The following MYLK4 variants were observed in gnomAD, a reference collection of about 807,000 sequenced individuals.
The protein encoded by MYLK4 is myosin light chain kinase family member 4, also known as caMLCK like.
A neutral mutation model predicts 48.1 loss-of-function variants in MYLK4; 46 were observed. The observed-to-expected ratio is 0.96, with a 90% CI of 0.75 to 1.22. MYLK4 has a LOEUF of 1.22. MYLK4 is among the 50% of genes most tolerant of loss of function. The pLI is 0.00. For missense variants in MYLK4, 451 were observed against 486.1 expected (o/e 0.93, Z 0.68); for synonymous variants, 170 against 180.8 (o/e 0.94, Z 0.48).
At chr6:2,676,365 T>A (rs9503247) in intron 10 of MYLK4, among the ~76,000 whole-genome samples, 46,289 of 151,980 alleles carry the variant, frequency 0.3, 7,646 homozygotes, top group Non-Finnish European at 0.37. Context: ...GTGACCTCCA[T>A]CAACCTCAGT....
At chr6:2,765,022 C>G in the MYLK4 span, among the ~76,000 whole-genome samples, 1 of 152,150 alleles carries the variant, frequency 6.6e-6, no homozygotes, top group Non-Finnish European at 1.5e-5. Context: ...CAGGCCCATT[C>G]AACAGCCCAG....
chr6:2,759,446 T>G, the MYLK4 span, among the ~76,000 whole-genome samples: 3 of 152,200 alleles, frequency 2.0e-5, no homozygotes, highest in Non-Finnish European at 4.4e-5. Context: ...TTGGTCTCTG[T>G]TTTTCATGAA....
chr6:2,743,088 G>A lies in MYLK4; in HGVS notation c.159+6048C>T, dbSNP rs534429920. On this transcript the variant is annotated intron_variant, in intron 2 of 12. Transcript: ENST00000274643. ...GCATCAACAGCTATGCAGTATACAT[G>A]TGGTATTAAAATTTAATGGGAGGAG... 1.5e-3 allele frequency among the ~76,000 whole-genome samples: 230 copies of A among 152,186 alleles called. 1 individual carries two copies. The highest frequency in any genetic ancestry group is 2.6e-3 in the Non-Finnish European group (176 of 68,008).
chr6:2,746,076 C>A (rs546254369), intron 2 of MYLK4, among the ~76,000 whole-genome samples: 2 of 150,768 alleles, frequency 1.3e-5, no homozygotes, highest in South Asian at 4.2e-4. Flanking sequence ...TGTGGTGAAA[C>A]CCCGTCTCTA....
the MYLK4 span, chr6:2,766,011 G>A: frequency 2.0e-5 from 27 of 1,343,988 alleles, no homozygotes; most frequent in East Asian, 8.4e-4. Context: ...CCGGTGGCCC[G>A]CTCCAGCAGC....
At chr6:2,768,595 T>A in the MYLK4 span, 1 of 1,071,328 alleles carries the variant, frequency 9.3e-7, no homozygotes, top group African/African-American at 1.6e-5. Context: ...AAGTTGCTTT[T>A]GGTAAATAGT....
intron 2 of MYLK4, among the ~76,000 whole-genome samples, chr6:2,741,805 T>G (rs1763908140): frequency 6.6e-6 from 1 of 152,262 alleles, no homozygotes; most frequent in Non-Finnish European, 1.5e-5. Context: ...ACAATACTCC[T>G]AATTAACTCA....
At chr6:2,721,700 A>T (rs1325218786) in intron 2 of MYLK4, among the ~76,000 whole-genome samples, 3 of 152,096 alleles carry the variant, frequency 2.0e-5, no homozygotes, top group African/African-American at 7.2e-5. Flanking sequence ...TTCAGTCTGA[A>T]CTTCCCTCCA....
the MYLK4 span, among the ~76,000 whole-genome samples, chr6:2,767,043 A>G: frequency 6.6e-6 from 1 of 152,224 alleles, no homozygotes; most frequent in Non-Finnish European, 1.5e-5. Flanking sequence ...AAACTTTTTC[A>G]TCTGCAAGTC....
the MYLK4 span, among the ~76,000 whole-genome samples, chr6:2,763,656 A>T: frequency 6.6e-6 from 1 of 152,136 alleles, no homozygotes; most frequent in African/African-American, 2.4e-5. Context: ...CTCCCACCAT[A>T]CTTCCCCACA....
intron 2 of MYLK4, 63 bp downstream of exon 2, chr6:2,749,073 T>A: frequency 6.7e-7 from 1 of 1,487,768 alleles, no homozygotes; most frequent in Admixed American, 2.0e-5. Context: ...AGCGGCTCCA[T>A]GACATTAGAA....
At chr6:2,737,991 GT>G (rs58107179) in intron 2 of MYLK4, among the ~76,000 whole-genome samples, 8,321 of 54,436 alleles carry the variant, frequency 0.15, 2,076 homozygotes, top group East Asian at 0.41. Flanking sequence ...TGGGGGGGGG[GT>G]GGTCAATGTT....
chr6:2,749,471 T>C, intron 1 of MYLK4, 65 bp from the exon 2 acceptor site: 1 of 468,114 alleles, frequency 2.1e-6, no homozygotes. Context: ...CTTGAGAAAA[T>C]GACCAGTGAG....
intron 2 of MYLK4, among the ~76,000 whole-genome samples, chr6:2,694,461 G>C (rs1481591708): frequency 3.8e-5 from 2 of 52,702 alleles, no homozygotes; most frequent in Non-Finnish European, 7.9e-5. Context: ...CCAGTACGTA[G>C]TGATGATGAT....
intron 2 of MYLK4, among the ~76,000 whole-genome samples, chr6:2,699,603 A>T (rs1762215454): frequency 6.6e-6 from 1 of 151,848 alleles, no homozygotes; most frequent in Non-Finnish European, 1.5e-5. Context: ...AGCTGCTACC[A>T]TATTTAACAG....
At chr6:2,765,441 C>A in the MYLK4 span, 1 of 659,766 alleles carries the variant, frequency 1.5e-6, no homozygotes, top group Non-Finnish European at 2.1e-6. Context: ...CGGCCGAGGG[C>A]GGGCGGACGC....
At chr6:2,754,660 T>C (rs966517038), upstream of MYLK4, among the ~76,000 whole-genome samples, 5 of 152,274 alleles carry the variant, frequency 3.3e-5, no homozygotes, top group African/African-American at 1.2e-4. Flanking sequence ...ATGTAAATTA[T>C]ACTTCAATAG....
chr6:2,687,458 T>C (rs908750559), intron 4 of MYLK4, among the ~76,000 whole-genome samples: 13 of 152,246 alleles, frequency 8.5e-5, no homozygotes, highest in Middle Eastern at 3.4e-3. Context: ...AAAGGAGCAA[T>C]TGACAAACCT....
At chr6:2,719,300 C>A (rs1348138347) in intron 2 of MYLK4, among the ~76,000 whole-genome samples, 2 of 152,098 alleles carry the variant, frequency 1.3e-5, no homozygotes, top group African/African-American at 4.8e-5. Context: ...GGAGGAGGAC[C>A]AGACCAATGG....
Sources: allele counts gnomAD v4.1 joint callset (sites outside exome capture counted in the v4.1 genomes callset), GRCh38; gene constraint gnomAD v4.1.1; transcripts MANE v1.5; gene names NCBI Gene and HGNC (gene_info 2026-07-23, HGNC 2026-07-21).